Variants in RAB3GAP2 observed in about 807,000 individuals in gnomAD.
RAB3GAP2 encodes the protein RAB3 GTPase activating non-catalytic protein subunit 2.
In RAB3GAP2, 87 loss-of-function variants were observed where a neutral mutation model predicts 185.3. The ratio of observed to expected loss-of-function variants is 0.47; its 90% CI spans 0.39 to 0.56. The LOEUF is 0.56. Among genes scored for constraint, RAB3GAP2 ranks in the 20% least tolerant of loss-of-function variants. The pLI, the probability that RAB3GAP2 is intolerant of heterozygous loss-of-function variation, is 0.00. For missense variants in RAB3GAP2, 1,492 were observed against 1,638.2 expected (o/e 0.91, Z 1.54); for synonymous variants, 554 against 576.1 (o/e 0.96, Z 0.55).
intron 22 of RAB3GAP2, among the ~76,000 whole-genome samples, chr1:220,172,391 A>G (rs1027316700): frequency 3.9e-5 from 6 of 152,126 alleles, no homozygotes; most frequent in African/African-American, 1.4e-4. Context: ...CATTTGCCTT[A>G]CTGAGTTAAG....
chr1:220,245,596 C>G (rs566824400), intron 1 of RAB3GAP2, among the ~76,000 whole-genome samples: 1 of 151,966 alleles, frequency 6.6e-6, no homozygotes, highest in Admixed American at 6.5e-5. Flanking sequence ...GGGGGAGGGG[C>G]GCCCGCCATT....
At chr1:220,213,257 G>A (rs775268214) in intron 3 of RAB3GAP2, among the ~76,000 whole-genome samples, 1 of 152,062 alleles carries the variant, frequency 6.6e-6, no homozygotes, top group Non-Finnish European at 1.5e-5. Flanking sequence ...ACCCTGCCTA[G>A]TTTAAGACTA....
chr1:220,183,028 A>G (rs1232554768), intron 19 of RAB3GAP2, 97 bp from the exon 20 acceptor site: 2 of 900,782 alleles, frequency 2.2e-6, no homozygotes, highest in Non-Finnish European at 3.5e-6. Context: ...CGACTTTTTA[A>G]TTAATATAAT....
At position 220,185,631 on chromosome 1, in the gene RAB3GAP2, A is replaced by G. The variant is rs759919098; in HGVS notation, c.1870+20T>C. The G allele has an allele frequency of 6.4e-7, 1 of 1,567,782 alleles. No individual in the cohort carries two copies. Among genetic ancestry groups the G allele is most frequent in the East Asian group, 2.2e-5 (1 of 44,526 alleles). On this transcript the variant is annotated intron_variant, in intron 18 of 34. Transcript: ENST00000358951. ...ATTTGAGTTAAGAACATAACCTCCA[A>G]TCAGTACAAACCCTATTACCTTGAC...
intron 13 of RAB3GAP2, 54 bp from the exon 14 acceptor site, chr1:220,191,338 CCT>C (rs1658616077): frequency 1.8e-6 from 2 of 1,139,838 alleles, no homozygotes; most frequent in African/African-American, 3.6e-5. Flanking sequence ...TCCATAGTAG[CCT>C]CCTGAAGTAC....
At chr1:220,179,920 T>G (rs1483689934) in intron 21 of RAB3GAP2, among the ~76,000 whole-genome samples, 3 of 151,792 alleles carry the variant, frequency 2.0e-5, no homozygotes, top group Non-Finnish European at 4.4e-5. Flanking sequence ...TCCCAGCACT[T>G]TGGGAGGCCG....
At chr1:220,232,678 A>T in intron 2 of RAB3GAP2, 121 bp downstream of exon 2, 1 of 920,126 alleles carries the variant, frequency 1.1e-6, no homozygotes, top group Non-Finnish European at 1.8e-6. Context: ...ACTAATAAGT[A>T]AGCACAAAAA....
intron 22 of RAB3GAP2, 28 bp downstream of exon 22, chr1:220,172,609 G>A (rs746517310): frequency 2.0e-6 from 3 of 1,482,654 alleles, no homozygotes; most frequent in Admixed American, 1.7e-5. Flanking sequence ...ACGAAACTTT[G>A]TTGACGAGAG....
At chr1:220,253,096 G>A (rs1290601110) in intron 1 of RAB3GAP2, among the ~76,000 whole-genome samples, 1 of 152,210 alleles carries the variant, frequency 6.6e-6, no homozygotes, top group Non-Finnish European at 1.5e-5. Flanking sequence ...GTGGAGAATA[G>A]ACAGTTTACG....
chr1:220,268,072 A>C (rs1354816917), intron 1 of RAB3GAP2, among the ~76,000 whole-genome samples: 1 of 152,236 alleles, frequency 6.6e-6, no homozygotes, highest in Non-Finnish European at 1.5e-5. Flanking sequence ...AATTACAACT[A>C]TATCAGCTAA....
chr1:220,211,126 G>T, intron 4 of RAB3GAP2, 124 bp from the exon 5 acceptor site: 1 of 916,318 alleles, frequency 1.1e-6, no homozygotes, highest in Non-Finnish European at 1.7e-6. Flanking sequence ...TTTATTTGAT[G>T]CATAAGTAAA....
intron 32 of RAB3GAP2, 177 bp from the exon 33 acceptor site, chr1:220,153,583 G>A (rs1284987599): frequency 2.1e-6 from 1 of 469,002 alleles, no homozygotes; most frequent in Non-Finnish European, 3.7e-6. Context: ...TTTGAAATTG[G>A]TCTTTTTTAA....
rs1658434527 is a variant in RAB3GAP2 at position 220,182,702 on chromosome 1, G to A, written c.2212+16C>T. ...AAAGAAGAGGCATACAAAGACCAGT[G>A]TATTATTTTACCTACCTAAAGCCAC... On this transcript the variant is annotated intron_variant, in intron 20 of 34. Coordinates refer to ENST00000358951, the MANE Select transcript of RAB3GAP2 (RefSeq NM_012414.4). The A allele has an allele frequency of 2.0e-6, 3 of 1,537,148 alleles. No homozygotes were observed. In the African/African-American group the frequency reaches 4.1e-5, roughly 21 times the overall value.
At chr1:220,202,539 G>A (rs1308299222) in intron 8 of RAB3GAP2, among the ~76,000 whole-genome samples, 165 bp from the exon 9 acceptor site, 2 of 152,150 alleles carry the variant, frequency 1.3e-5, no homozygotes, top group Admixed American at 6.5e-5. Flanking sequence ...CCAAGACAAT[G>A]CACGTAAAAT....
intron 1 of RAB3GAP2, among the ~76,000 whole-genome samples, chr1:220,268,847 T>C (rs138090884): frequency 4.6e-5 from 7 of 152,370 alleles, no homozygotes; most frequent in African/African-American, 9.6e-5. Context: ...ATTCAATCTG[T>C]ATGTACCTGA....
intron 1 of RAB3GAP2, among the ~76,000 whole-genome samples, chr1:220,235,962 A>G (rs1034319610): frequency 2.0e-5 from 3 of 152,220 alleles, no homozygotes; most frequent in Non-Finnish European, 4.4e-5. Flanking sequence ...GGCATCTTCT[A>G]TTATCATAGG....
chr1:220,171,703 G>T (rs774923973), intron 23 of RAB3GAP2, among the ~76,000 whole-genome samples, 186 bp downstream of exon 23: 5 of 152,020 alleles, frequency 3.3e-5, no homozygotes, highest in Non-Finnish European at 7.4e-5. Flanking sequence ...AACACAGTAG[G>T]ACACTGCCAT....
At chr1:220,224,455 A>T (rs895044754) in intron 2 of RAB3GAP2, among the ~76,000 whole-genome samples, 1 of 152,212 alleles carries the variant, frequency 6.6e-6, no homozygotes, top group Non-Finnish European at 1.5e-5. Flanking sequence ...ATACAATAAA[A>T]TAGTATTCCT....
chr1:220,257,800 T>TA (rs1382153850), intron 1 of RAB3GAP2, among the ~76,000 whole-genome samples: 1 of 151,876 alleles, frequency 6.6e-6, no homozygotes, highest in African/African-American at 2.4e-5. Flanking sequence ...GCTGGTTTTT[T>TA]AAAAAAATTA....
Sources: allele counts gnomAD v4.1 joint callset (sites outside exome capture counted in the v4.1 genomes callset), GRCh38; gene constraint gnomAD v4.1.1; transcripts MANE v1.5; gene names NCBI Gene and HGNC (gene_info 2026-07-23, HGNC 2026-07-21).